The following C1QTNF3 variants were observed in gnomAD, a reference collection of about 807,000 sequenced individuals.
The protein encoded by C1QTNF3 is complement C1q tumor necrosis factor-related protein 3.
In C1QTNF3, 26 loss-of-function variants were observed where a neutral mutation model predicts 32.6. That is an observed-to-expected ratio of 0.80 (90% CI 0.58 to 1.11). The LOEUF is 1.11. C1QTNF3 is among the 50% of genes least tolerant of loss of function. The pLI is 0.00. For synonymous variants in C1QTNF3, 155 were observed against 146.0 expected, an observed-to-expected ratio of 1.06 and a Z score of -0.44; for missense variants, 362 against 398.2, an observed-to-expected ratio of 0.91 and a Z score of 0.77.
At position 34,020,643 on chromosome 5, in the gene C1QTNF3, G is replaced by T. The variant is rs1195819060; in HGVS notation, c.900C>A (p.Leu300=). ...EVWLRMGNGA[L]HGDHQRFSTF... ...TGGAGAAGCGTTGGTGGTCCCCATG[G>T]AGAGCGCCATTGCCCATTCGCAGCC... The change falls in exon 6 of 6, where the codon CTC becomes CTA. Residue 300 remains leucine (L), a synonymous_variant. Coordinates refer to ENST00000382065, the MANE Select transcript of C1QTNF3 (RefSeq NM_181435.6). 1 of 1,614,104 alleles carries T rather than the reference G, an allele frequency of 6.2e-7. No homozygotes were observed. Among genetic ancestry groups the T allele is most frequent in the African/African-American group, 1.3e-5 (1 of 74,922 alleles).
At chr5:34,195,910 T>C in the C1QTNF3 span, among the ~76,000 whole-genome samples, 3 of 152,282 alleles carry the variant, frequency 2.0e-5, no homozygotes, top group Non-Finnish European at 4.4e-5. Context: ...GGCGTGGCCT[T>C]TAGGAGAGAA....
rs1375947642 is a variant in C1QTNF3, at chr5:34,043,149, C to T, written c.-24G>A. The T allele has an allele frequency of 1.3e-6, 2 of 1,596,984 alleles. No individual in the cohort carries two copies. The highest frequency in any genetic ancestry group is 1.7e-6 in the Non-Finnish European group (2 of 1,172,930). ...ATGATTCTCAACAGAGCCTCAGAGT[C>T]TCCCTGAGAAGACAGCAGAGCTCCA... On this transcript the variant is annotated 5_prime_UTR_variant, in exon 1 of 6. Transcript: ENST00000382065.
At chr5:34,030,566 CAG>C (rs1000441180) in intron 3 of C1QTNF3, among the ~76,000 whole-genome samples, 1 of 152,148 alleles carries the variant, frequency 6.6e-6, no homozygotes, top group African/African-American at 2.4e-5. Flanking sequence ...TATCCAAAGA[CAG>C]GGTTGAAGTT....
At chr5:34,136,579 AAG>A in the C1QTNF3 span, among the ~76,000 whole-genome samples, 1 of 152,262 alleles carries the variant, frequency 6.6e-6, no homozygotes, top group African/African-American at 2.4e-5. Context: ...AACCATGTGG[AAG>A]AGAGTGTGGT....
chr5:34,212,814 A>C, the C1QTNF3 span, among the ~76,000 whole-genome samples: 1 of 150,072 alleles, frequency 6.7e-6, no homozygotes, highest in African/African-American at 2.5e-5. Context: ...GTGGGACTGT[A>C]AACTAGTTCA....
chr5:34,141,280 G>A, the C1QTNF3 span, among the ~76,000 whole-genome samples: 310 of 152,098 alleles, frequency 2.0e-3, no homozygotes, highest in African/African-American at 6.1e-3. Context: ...CACCAGGCCC[G>A]GCTAATTTTT....
the C1QTNF3 span, among the ~76,000 whole-genome samples, chr5:34,234,021 T>A: frequency 6.6e-6 from 1 of 152,154 alleles, no homozygotes; most frequent in East Asian, 1.9e-4. Context: ...ACAATATAAG[T>A]TTGTTCTAAG....
the C1QTNF3 span, chr5:34,124,334 A>C: frequency 9.1e-6 from 6 of 662,504 alleles, no homozygotes; most frequent in Admixed American, 2.3e-5. Context: ...TGCTATAAAG[A>C]AATACCTGAG....
the C1QTNF3 span, among the ~76,000 whole-genome samples, chr5:34,117,082 T>C: frequency 6.6e-6 from 1 of 152,090 alleles, no homozygotes; most frequent in Non-Finnish European, 1.5e-5. Flanking sequence ...TTATATTGTT[T>C]AATCTATTCA....
the C1QTNF3 span, among the ~76,000 whole-genome samples, chr5:34,155,990 A>G: frequency 6.6e-6 from 1 of 152,206 alleles, no homozygotes; most frequent in African/African-American, 2.4e-5. Context: ...ATTCACGCAC[A>G]AAGTCATCAT....
chr5:34,116,979 A>G, the C1QTNF3 span, among the ~76,000 whole-genome samples: 1 of 152,182 alleles, frequency 6.6e-6, no homozygotes, highest in Non-Finnish European at 1.5e-5. Flanking sequence ...TATTGTAAAT[A>G]CATTTTAATT....
At chr5:34,131,741 T>C in the C1QTNF3 span, among the ~76,000 whole-genome samples, 1 of 152,164 alleles carries the variant, frequency 6.6e-6, no homozygotes, top group East Asian at 1.9e-4. Context: ...TTGATAATAA[T>C]ATATAGTTTC....
chr5:34,109,505 C>T, the C1QTNF3 span, among the ~76,000 whole-genome samples: 2 of 151,844 alleles, frequency 1.3e-5, no homozygotes, highest in Admixed American at 6.6e-5. Flanking sequence ...ATCATAATTA[C>T]AAGGCATTGG....
the C1QTNF3 span, among the ~76,000 whole-genome samples, chr5:34,176,466 T>C: frequency 9.4e-5 from 14 of 149,164 alleles, no homozygotes; most frequent in Non-Finnish European, 8.9e-5. Context: ...AAAAAGGAGG[T>C]TTAAAAAAAA....
the C1QTNF3 span, among the ~76,000 whole-genome samples, chr5:34,155,484 T>C: frequency 6.6e-6 from 1 of 152,234 alleles, no homozygotes; most frequent in South Asian, 2.1e-4. Flanking sequence ...CTACACAGAA[T>C]GTACCTGTTT....
chr5:34,131,421 A>C, the C1QTNF3 span, among the ~76,000 whole-genome samples: 40 of 151,704 alleles, frequency 2.6e-4, no homozygotes, highest in Non-Finnish European at 3.8e-4. Context: ...AAAATATCCT[A>C]CATTATACAC....
the C1QTNF3 span, among the ~76,000 whole-genome samples, chr5:34,135,956 C>T: frequency 6.6e-6 from 1 of 150,614 alleles, no homozygotes; most frequent in Admixed American, 6.6e-5. Context: ...GAAACTGGAT[C>T]CCTTCCTTAC....
chr5:34,116,391 T>G, the C1QTNF3 span, among the ~76,000 whole-genome samples: 1 of 152,192 alleles, frequency 6.6e-6, no homozygotes, highest in African/African-American at 2.4e-5. Context: ...TTGATCTGTC[T>G]CCTTGTTCTA....
chr5:34,056,167 A>C, the C1QTNF3 span, among the ~76,000 whole-genome samples: 4 of 151,968 alleles, frequency 2.6e-5, no homozygotes, highest in African/African-American at 9.7e-5. Flanking sequence ...AAATTATGCA[A>C]GGTTTTGATG....
Sources: gnomAD v4.1 joint callset for allele counts (sites outside exome capture counted in the v4.1 genomes callset) on GRCh38, gnomAD v4.1.1 for gene constraint, MANE v1.5 for transcripts, NCBI Gene and HGNC (gene_info 2026-07-23, HGNC 2026-07-21) for gene names.